Variants in NRG1 observed in about 807,000 individuals in gnomAD.
The protein encoded by NRG1 is pro-neuregulin-1, membrane-bound isoform.
NRG1 carries 18 observed loss-of-function variants against 63.8 expected under a neutral mutation model. The ratio of observed to expected loss-of-function variants is 0.28; its 90% CI spans 0.19 to 0.42. NRG1 has a LOEUF of 0.42. NRG1 is among the 10% of genes least tolerant of loss of function. The pLI, the probability that NRG1 is intolerant of heterozygous loss-of-function variation, is 1.00. For missense variants in NRG1, 762 were observed against 814.7 expected (o/e 0.94, Z 0.79); for synonymous variants, 302 against 301.3 (o/e 1.00, Z -0.02).
chr8:31,930,943 G>T (rs1834808373), intron 1 of NRG1, among the ~76,000 whole-genome samples: 1 of 152,116 alleles, frequency 6.6e-6, no homozygotes, highest in Admixed American at 6.5e-5. Context: ...TCCTTCTGCT[G>T]AATTCAATTG....
intron 1 of NRG1, among the ~76,000 whole-genome samples, chr8:31,856,439 C>T (rs1400052648): frequency 2.0e-5 from 3 of 152,292 alleles, no homozygotes; most frequent in Admixed American, 6.5e-5. Flanking sequence ...TCACGTAGTT[C>T]TCGAGCCTTG....
At chr8:31,697,037 G>T (rs2131164788) in intron 1 of NRG1, among the ~76,000 whole-genome samples, 1 of 152,254 alleles carries the variant, frequency 6.6e-6, no homozygotes, top group Admixed American at 6.5e-5. Flanking sequence ...TTGACTTTGT[G>T]CTGTGGATTT....
chr8:32,274,834 A>G (rs184658934), intron 1 of NRG1, among the ~76,000 whole-genome samples: 2 of 152,260 alleles, frequency 1.3e-5, no homozygotes, highest in East Asian at 3.9e-4. Context: ...TGCTTTTTAG[A>G]AGAAGTAAAG....
Position 31,941,914 on chromosome 8 carries a change from T to A in NRG1, c.37+302483T>A, listed in dbSNP as rs1021187878. ...GACAACACAAACAAATGGAAACACA[T>A]CCCATGCTCATGGATGGGTGAATTA... On this transcript the variant is annotated intron_variant, in intron 1 of 10. Coordinates refer to the NRG1 transcript ENST00000519301. Among the ~76,000 whole-genome samples, 7 of 152,068 alleles carry A rather than the reference T, an allele frequency of 4.6e-5. No individual in the cohort carries two copies. In the East Asian group the frequency reaches 1.3e-3, roughly 29 times the overall value.
intron 1 of NRG1, among the ~76,000 whole-genome samples, chr8:32,296,997 C>A (rs899760681): frequency 1.3e-5 from 2 of 151,978 alleles, no homozygotes; most frequent in Non-Finnish European, 2.9e-5. Context: ...CACCTGTAGT[C>A]CCAACTACTC....
intron 1 of NRG1, among the ~76,000 whole-genome samples, chr8:31,760,259 T>A (rs1296418261): frequency 6.6e-6 from 1 of 152,208 alleles, no homozygotes; most frequent in African/African-American, 2.4e-5. Context: ...GTTTCAGCTT[T>A]CTACATATGG....
intron 1 of NRG1, among the ~76,000 whole-genome samples, chr8:31,994,810 T>A (rs915357319): frequency 3.3e-5 from 5 of 151,756 alleles, no homozygotes; most frequent in African/African-American, 4.8e-5. Flanking sequence ...GTAAAAAAAA[T>A]GTAAACTACT....
intron 1 of NRG1, among the ~76,000 whole-genome samples, chr8:32,466,284 AC>A (rs1163235326): frequency 1.3e-5 from 2 of 151,430 alleles, no homozygotes; most frequent in Non-Finnish European, 2.9e-5. Flanking sequence ...CCATGTTTAT[AC>A]CCCTGCAATC....
At chr8:32,621,934 T>C (rs1188270332) in intron 5 of NRG1, among the ~76,000 whole-genome samples, 1 of 152,166 alleles carries the variant, frequency 6.6e-6, no homozygotes, top group Admixed American at 6.5e-5. Flanking sequence ...TGTGAGTGGA[T>C]TGAAAGGTAG....
At chr8:31,689,260 T>C (rs1202179299) in intron 1 of NRG1, among the ~76,000 whole-genome samples, 1 of 152,210 alleles carries the variant, frequency 6.6e-6, no homozygotes, top group Non-Finnish European at 1.5e-5. Context: ...TGACCATGTT[T>C]GGTGGGGTGT....
chr8:32,449,140 TACA>T (rs1447831569), intron 1 of NRG1, among the ~76,000 whole-genome samples: 32 of 151,762 alleles, frequency 2.1e-4, no homozygotes, highest in Admixed American at 1.2e-3. Flanking sequence ...ACAAAAAAAG[TACA>T]ACAATTAGCT....
At chr8:31,973,262 G>T (rs1264938196) in intron 1 of NRG1, among the ~76,000 whole-genome samples, 2 of 152,118 alleles carry the variant, frequency 1.3e-5, no homozygotes, top group African/African-American at 4.8e-5. Context: ...TGTTTTAAAA[G>T]ATGAGATCAT....
chr8:32,582,493 G>A (rs1840850995), intron 1 of NRG1, among the ~76,000 whole-genome samples: 1 of 152,192 alleles, frequency 6.6e-6, no homozygotes, highest in African/African-American at 2.4e-5. Flanking sequence ...AATAAAATGA[G>A]CGGTTATTGA....
intron 1 of NRG1, among the ~76,000 whole-genome samples, chr8:31,708,612 A>AT (rs1811401690): frequency 6.6e-6 from 1 of 150,968 alleles, no homozygotes; most frequent in South Asian, 2.1e-4. Context: ...CGCCCGGCTA[A>AT]TTTTTTGTAT....
chr8:32,053,298 C>T (rs570859138), intron 1 of NRG1, among the ~76,000 whole-genome samples: 1 of 152,030 alleles, frequency 6.6e-6, no homozygotes, highest in Non-Finnish European at 1.5e-5. Flanking sequence ...GTCAGAATAC[C>T]AGGCCGATAC....
chr8:31,931,688 C>T (rs1585859214), intron 1 of NRG1, among the ~76,000 whole-genome samples: 1 of 152,182 alleles, frequency 6.6e-6, no homozygotes, highest in East Asian at 1.9e-4. Flanking sequence ...AAGATTAAAC[C>T]TCTTGTGTCT....
intron 1 of NRG1, among the ~76,000 whole-genome samples, chr8:32,089,090 G>T (rs1017933475): frequency 6.6e-6 from 1 of 152,164 alleles, no homozygotes; most frequent in African/African-American, 2.4e-5. Flanking sequence ...GTGTGTTTGT[G>T]TCTGTGCTCA....
intron 5 of NRG1, among the ~76,000 whole-genome samples, chr8:32,665,745 G>A (rs369903453): frequency 2.0e-5 from 3 of 152,266 alleles, no homozygotes; most frequent in East Asian, 1.9e-4. Context: ...TCAAGCATAC[G>A]TGGTTGCAGA....
chr8:32,315,874 T>G (rs1037854085), intron 1 of NRG1, among the ~76,000 whole-genome samples: 1 of 147,046 alleles, frequency 6.8e-6, no homozygotes, highest in African/African-American at 2.7e-5. Flanking sequence ...GGCCAAATGC[T>G]TTGTATGTGT....
Sources: gnomAD v4.1 joint callset for allele counts (sites outside exome capture counted in the v4.1 genomes callset) on GRCh38, gnomAD v4.1.1 for gene constraint, MANE v1.5 for transcripts, NCBI Gene and HGNC (gene_info 2026-07-23, HGNC 2026-07-21) for gene names.